The following SHISA9 variants were observed in gnomAD, a reference collection of about 807,000 sequenced individuals.
SHISA9 encodes protein shisa-9.
In SHISA9, 13 loss-of-function variants were observed where a neutral mutation model predicts 38.0. That is an observed-to-expected ratio of 0.34 (90% CI 0.22 to 0.54). The LOEUF is 0.54. Among genes scored for constraint, SHISA9 ranks in the 20% least tolerant of loss-of-function variants. The probability of loss-of-function intolerance (pLI) is 0.91; values close to 1 mark genes in which losing one functional copy is unlikely to be tolerated. For synonymous variants in SHISA9, 275 were observed against 242.0 expected (o/e 1.14, Z -1.27); for missense variants, 538 against 575.8 (o/e 0.93, Z 0.67).
chr16:13,396,192 C>G, the SHISA9 span, among the ~76,000 whole-genome samples: 1 of 152,190 alleles, frequency 6.6e-6, no homozygotes, highest in African/African-American at 2.4e-5. Context: ...ATGGATGAGT[C>G]TCCTCTTAAT....
the SHISA9 span, among the ~76,000 whole-genome samples, chr16:13,285,393 C>T: frequency 1.3e-5 from 2 of 150,486 alleles, no homozygotes; most frequent in Non-Finnish European, 2.9e-5. Context: ...TTCTTCTGCC[C>T]AAGGCAAATT....
chr16:13,549,377 A>G, the SHISA9 span, among the ~76,000 whole-genome samples: 1 of 152,212 alleles, frequency 6.6e-6, no homozygotes, highest in African/African-American at 2.4e-5. Flanking sequence ...AATATGATTT[A>G]TTCATTGCAC....
At position 12,929,612 on chromosome 16, in the gene SHISA9, G is replaced by A. The variant is rs1426249020; in HGVS notation, c.691+12797G>A. On this transcript the variant is annotated intron_variant, in intron 2 of 4. Coordinates refer to ENST00000558583, the MANE Select transcript of SHISA9 (RefSeq NM_001145204.3). ...GATGAGAACACATGGACACAGGGAG[G>A]GGAACAACACATACTGGGGCCTCTC... 2.0e-5 allele frequency among the ~76,000 whole-genome samples: 3 copies of A among 151,798 alleles called. No homozygotes were observed. The East Asian group carries it at 5.8e-4, about 29-fold the overall frequency.
At chr16:13,370,160 C>A in the SHISA9 span, among the ~76,000 whole-genome samples, 1 of 152,274 alleles carries the variant, frequency 6.6e-6, no homozygotes, top group South Asian at 2.1e-4. Flanking sequence ...TCCCGGGGTG[C>A]CACGACCATG....
the SHISA9 span, among the ~76,000 whole-genome samples, chr16:13,260,007 C>T: frequency 1.4e-3 from 86 of 60,362 alleles, no homozygotes; most frequent in Admixed American, 3.1e-3. Context: ...TTCTTTCTTT[C>T]TTTTTTTTTT....
At chr16:12,943,144 C>T (rs2071633796) in intron 2 of SHISA9, among the ~76,000 whole-genome samples, 1 of 152,148 alleles carries the variant, frequency 6.6e-6, no homozygotes, top group African/African-American at 2.4e-5. Flanking sequence ...ATTCCTGCAC[C>T]AGTCACTGTG....
At chr16:13,506,527 C>T in the SHISA9 span, among the ~76,000 whole-genome samples, 1 of 152,134 alleles carries the variant, frequency 6.6e-6, no homozygotes, top group African/African-American at 2.4e-5. Context: ...GAAAAGATAA[C>T]TTGAGCAAAA....
At chr16:13,208,358 A>G (rs561368132) in intron 3 of SHISA9, among the ~76,000 whole-genome samples, 1 of 149,594 alleles carries the variant, frequency 6.7e-6, no homozygotes, top group East Asian at 2.0e-4. Flanking sequence ...TTTCTATTTT[A>G]TTGTATTTTA....
At chr16:13,275,736 T>G in the SHISA9 span, among the ~76,000 whole-genome samples, 1 of 151,966 alleles carries the variant, frequency 6.6e-6, no homozygotes, top group Non-Finnish European at 1.5e-5. Context: ...TGAAAAAATT[T>G]TTAATAGAAA....
At chr16:13,242,257 C>T (rs1361144970), downstream of SHISA9, among the ~76,000 whole-genome samples, 1 of 152,184 alleles carries the variant, frequency 6.6e-6, no homozygotes, top group African/African-American at 2.4e-5. Context: ...CCTGGATTCG[C>T]ATGTGAATCA....
chr16:12,966,571 A>G (rs1173325987), intron 2 of SHISA9, among the ~76,000 whole-genome samples: 1 of 152,158 alleles, frequency 6.6e-6, no homozygotes, highest in Admixed American at 6.5e-5. Flanking sequence ...TATAATCTTT[A>G]TAACAATTCC....
chr16:13,549,318 C>T, the SHISA9 span, among the ~76,000 whole-genome samples: 5 of 151,962 alleles, frequency 3.3e-5, no homozygotes, highest in Non-Finnish European at 2.9e-5. Flanking sequence ...CTATGGTTAA[C>T]AATATTTTAT....
rs1279422211 is a variant in SHISA9, at chr16:13,201,881, T to A, written c.692-1513T>A. On this transcript the variant is annotated intron_variant, in intron 2 of 4. Coordinates refer to ENST00000558583, the MANE Select transcript of SHISA9 (RefSeq NM_001145204.3). ...AGCTGTGAGCTGTTAGCAGCCAACA[T>A]TTGCAGCAGCTGGGAAATGGGTTCA... Among the ~76,000 whole-genome samples, 5 of 112,594 alleles carry A rather than the reference T, an allele frequency of 4.4e-5. 2 individuals are homozygous for A. The highest frequency in any genetic ancestry group is 7.6e-5 in the African/African-American group (2 of 26,450). The allele number at this position is 112,594 out of a possible 152,430, so 73.9% of individuals were successfully genotyped here.
intron 2 of SHISA9, among the ~76,000 whole-genome samples, chr16:13,197,126 C>G (rs2550564): frequency 0.33 from 50,258 of 150,154 alleles, 8,728 homozygotes; most frequent in African/African-American, 0.41. Flanking sequence ...CACACACACA[C>G]ACACACACAC....
At chr16:13,050,413 C>T (rs2073237453) in intron 2 of SHISA9, among the ~76,000 whole-genome samples, 1 of 152,124 alleles carries the variant, frequency 6.6e-6, no homozygotes, top group African/African-American at 2.4e-5. Flanking sequence ...CTCACTGCAA[C>T]CTCTACCTCC....
chr16:13,543,200 C>T, the SHISA9 span, among the ~76,000 whole-genome samples: 2 of 152,036 alleles, frequency 1.3e-5, no homozygotes, highest in African/African-American at 4.8e-5. Context: ...GTGTGGGATG[C>T]AGAGAAAAGA....
At chr16:13,206,361 G>A (rs896642698) in intron 3 of SHISA9, among the ~76,000 whole-genome samples, 2 of 152,170 alleles carry the variant, frequency 1.3e-5, no homozygotes, top group African/African-American at 4.8e-5. Flanking sequence ...CCTCATTGGA[G>A]ATGGGATGAG....
At chr16:13,068,538 T>C (rs2073461028) in intron 2 of SHISA9, among the ~76,000 whole-genome samples, 3 of 152,204 alleles carry the variant, frequency 2.0e-5, no homozygotes, top group Non-Finnish European at 2.9e-5. Context: ...GGAGTTTAGA[T>C]GGAGAGAGGA....
chr16:13,376,597 AT>A, the SHISA9 span, among the ~76,000 whole-genome samples: 1 of 152,130 alleles, frequency 6.6e-6, no homozygotes, highest in South Asian at 2.1e-4. Context: ...AAACACATGG[AT>A]TTTTTTTATT....
Sources: allele counts gnomAD v4.1 joint callset (sites outside exome capture counted in the v4.1 genomes callset), GRCh38; gene constraint gnomAD v4.1.1; transcripts MANE v1.5; gene names NCBI Gene and HGNC (gene_info 2026-07-23, HGNC 2026-07-21).